CADPS2: variants seen among roughly 807,000 people sequenced by gnomAD.
CADPS2 encodes calcium dependent secretion activator 2.
In CADPS2, 93 loss-of-function variants were observed where a neutral mutation model predicts 172.5. That is an observed-to-expected ratio of 0.54 (90% CI 0.46 to 0.64). The LOEUF (loss-of-function observed/expected upper bound fraction) is 0.64, where lower values mean the gene tolerates loss of function less well. Among genes scored for constraint, CADPS2 ranks in the 30% least tolerant of loss-of-function variants. The pLI is 0.00. For synonymous variants in CADPS2, 546 were observed against 555.2 expected, an observed-to-expected ratio of 0.98 and a Z score of 0.23; for missense variants, 1,420 against 1,565.9, an observed-to-expected ratio of 0.91 and a Z score of 1.57.
intron 2 of CADPS2, among the ~76,000 whole-genome samples, chr7:122,689,224 C>T (rs898465959): frequency 9.2e-5 from 14 of 152,152 alleles, no homozygotes; most frequent in Admixed American, 7.9e-4. Context: ...CCTTAACCTC[C>T]TGGGACACCC....
At chr7:122,734,379 A>G (rs925415985) in intron 2 of CADPS2, among the ~76,000 whole-genome samples, 128 of 91,354 alleles carry the variant, frequency 1.4e-3, no homozygotes, top group Middle Eastern at 6.7e-3. Context: ...AAAAAAAAAA[A>G]AAAAAAAGAA....
At chr7:122,695,018 C>T (rs2084889798) in intron 2 of CADPS2, among the ~76,000 whole-genome samples, 1 of 152,140 alleles carries the variant, frequency 6.6e-6, no homozygotes, top group South Asian at 2.1e-4. Context: ...AAGTCAGATC[C>T]CTGGCTCACT....
At chr7:122,424,565 T>C (rs1332463091) in intron 17 of CADPS2, 1 of 152,240 alleles carries the variant, frequency 6.6e-6, no homozygotes, top group East Asian at 1.9e-4. Context: ...TGAGGCATAA[T>C]CTTCTCTAAA....
chr7:122,633,859 T>C (rs943129129), intron 3 of CADPS2, among the ~76,000 whole-genome samples: 1 of 152,112 alleles, frequency 6.6e-6, no homozygotes. Flanking sequence ...TTTTTATATG[T>C]TTCTTCAATA....
At position 122,677,617 on chromosome 7, in the gene CADPS2, AG is replaced by A. The variant is rs543346693; in HGVS notation, c.454-14049del. Reference sequence around the variant, plus strand: ...ATTAACCCTCACAACTGCATAAAGAAGGTGCTAGTATTTATCTTAAAGGTAA... The same window carrying A: ...ATTAACCCTCACAACTGCATAAAGAAGTGCTAGTATTTATCTTAAAGGTAA... On this transcript the variant is annotated intron_variant, in intron 2 of 29. Coordinates refer to ENST00000449022, the MANE Select transcript of CADPS2 (RefSeq NM_017954.11). Among the ~76,000 whole-genome samples the A allele has an allele frequency of 6.6e-5, 10 of 152,340 alleles. No homozygotes were observed. In the South Asian group the frequency reaches 1.9e-3, roughly 28 times the overall value.
intron 14 of CADPS2, among the ~76,000 whole-genome samples, chr7:122,453,411 A>C (rs1300130081): frequency 6.6e-6 from 1 of 152,194 alleles, no homozygotes; most frequent in Non-Finnish European, 1.5e-5. Flanking sequence ...CCTATGAATA[A>C]TTATGCATTG....
chr7:122,479,955 T>C (rs34977196), intron 12 of CADPS2, among the ~76,000 whole-genome samples: 2 of 152,218 alleles, frequency 1.3e-5, no homozygotes, highest in Non-Finnish European at 2.9e-5. Context: ...ATTCATATTG[T>C]ATTATGTGAC....
chr7:122,468,403 C>A (rs2055448241), intron 14 of CADPS2, among the ~76,000 whole-genome samples: 1 of 152,042 alleles, frequency 6.6e-6, no homozygotes, highest in East Asian at 1.9e-4. Context: ...GGAGAGGTTG[C>A]CAAAACCTGA....
At chr7:122,879,469 A>G (rs1822271571) in intron 1 of CADPS2, among the ~76,000 whole-genome samples, 1 of 152,022 alleles carries the variant, frequency 6.6e-6, no homozygotes, top group Admixed American at 6.6e-5. Context: ...CAGGAGGCAG[A>G]GGTTGCAGTG....
chr7:122,325,667 G>A (rs974040427), intron 28 of CADPS2, 86 bp from the exon 29 acceptor site: 6 of 773,168 alleles, frequency 7.8e-6, no homozygotes, highest in African/African-American at 1.7e-5. Flanking sequence ...TCGATAATGA[G>A]GGGGTAATAA....
chr7:122,417,223 A>G (rs1306439058), intron 17 of CADPS2, among the ~76,000 whole-genome samples: 1 of 152,204 alleles, frequency 6.6e-6, no homozygotes, highest in African/African-American at 2.4e-5. Context: ...AACACTGCTT[A>G]TGATCGGTGC....
intron 12 of CADPS2, among the ~76,000 whole-genome samples, chr7:122,479,654 A>G (rs1586470727): frequency 6.6e-6 from 1 of 152,222 alleles, no homozygotes; most frequent in Admixed American, 6.5e-5. Flanking sequence ...ATACTTTTGC[A>G]TGATGACAAT....
chr7:122,418,387 G>A (rs926706334), intron 17 of CADPS2, among the ~76,000 whole-genome samples: 1 of 152,174 alleles, frequency 6.6e-6, no homozygotes, highest in Non-Finnish European at 1.5e-5. Flanking sequence ...TTGCCTGGCT[G>A]GAGTAAGAAT....
rs534776215 is a variant in CADPS2, at chr7:122,708,068, T to C, written c.453+28887A>G. On this transcript the variant is annotated intron_variant, in intron 2 of 29. Coordinates refer to ENST00000449022, the MANE Select transcript of CADPS2 (RefSeq NM_017954.11). ...ACAAATGACCATATCTGTCATCTCA[T>C]ATAGTTATCCATTTGTCCTCCTGTT... is the stretch of plus-strand genomic sequence containing the variant. Among the ~76,000 whole-genome samples the C allele has an allele frequency of 3.3e-5, 5 of 152,004 alleles. No individual in the cohort carries two copies. The South Asian group carries it at 1.0e-3, about 31-fold the overall frequency.
intron 27 of CADPS2, among the ~76,000 whole-genome samples, chr7:122,354,693 C>G (rs1424289821): frequency 1.3e-5 from 2 of 152,124 alleles, no homozygotes; most frequent in African/African-American, 4.8e-5. Context: ...TAATTTCTGT[C>G]AGATCTGAGT....
intron 1 of CADPS2, among the ~76,000 whole-genome samples, chr7:122,843,620 A>AT (rs1310125994): frequency 2.6e-5 from 4 of 152,218 alleles, no homozygotes; most frequent in African/African-American, 9.6e-5. Context: ...TATATGCCAG[A>AT]TTGTGACATT....
chr7:122,556,762 G>A (rs2065081424), intron 7 of CADPS2, among the ~76,000 whole-genome samples: 1 of 152,104 alleles, frequency 6.6e-6, no homozygotes, highest in African/African-American at 2.4e-5. Flanking sequence ...CTTACTATGT[G>A]AGGATACACA....
intron 1 of CADPS2, among the ~76,000 whole-genome samples, chr7:122,842,510 G>A (rs1810838883): frequency 6.6e-6 from 1 of 152,072 alleles, no homozygotes; most frequent in South Asian, 2.1e-4. Flanking sequence ...AGACTTTGAT[G>A]CTTAATATCA....
intron 8 of CADPS2, among the ~76,000 whole-genome samples, chr7:122,520,452 A>G (rs1354503364): frequency 6.6e-6 from 1 of 151,976 alleles, no homozygotes; most frequent in African/African-American, 2.4e-5. Flanking sequence ...AATACTATAT[A>G]TTCTTGGCTA....
Sources: allele counts gnomAD v4.1 joint callset (sites outside exome capture counted in the v4.1 genomes callset), GRCh38; gene constraint gnomAD v4.1.1; transcripts MANE v1.5; gene names NCBI Gene and HGNC (gene_info 2026-07-23, HGNC 2026-07-21).